Variants in ITGA8 observed in about 807,000 individuals in gnomAD.
ITGA8 encodes integrin subunit alpha 8, also known as integrin alpha-8.
In ITGA8, 91 loss-of-function variants were observed where a neutral mutation model predicts 142.3. The ratio of observed to expected loss-of-function variants is 0.64; its 90% CI spans 0.54 to 0.76. The LOEUF (loss-of-function observed/expected upper bound fraction) is 0.76. ITGA8 is among the 30% of genes least tolerant of loss of function. The pLI is 0.00. For synonymous variants in ITGA8, 505 were observed against 485.2 expected, an observed-to-expected ratio of 1.04 and a Z score of -0.54; for missense variants, 1,406 against 1,327.7, an observed-to-expected ratio of 1.06 and a Z score of -0.92.
intron 2 of ITGA8, among the ~76,000 whole-genome samples, chr10:15,692,240 G>A (rs149690192): frequency 9.2e-5 from 14 of 151,734 alleles, no homozygotes; most frequent in African/African-American, 2.4e-4. Flanking sequence ...GCCTTATACA[G>A]TTTTTGTCAA....
intron 24 of ITGA8, 67 bp downstream of exon 24, chr10:15,575,422 A>G: frequency 1.9e-6 from 2 of 1,069,878 alleles, no homozygotes; most frequent in Admixed American, 1.7e-5. Context: ...ATAATGCTAC[A>G]TAGAATTTAT....
At chr10:15,651,688 T>G (rs1227713119) in intron 11 of ITGA8, among the ~76,000 whole-genome samples, 18 of 152,176 alleles carry the variant, frequency 1.2e-4, no homozygotes, top group Admixed American at 1.2e-3. Context: ...AAGGAGAGTC[T>G]GGTTCAAGCC....
chr10:15,680,216 C>CTTTTTTTTTTTTTTTTTTTT (rs71374638), intron 4 of ITGA8, among the ~76,000 whole-genome samples: 1 of 54,230 alleles, frequency 1.8e-5, no homozygotes, highest in African/African-American at 8.3e-5. Context: ...CCAGATGCTC[C>CTTTTTTTTTTTTTTTTTTTT]TTTTTTTTTT....
At chr10:15,692,090 A>T (rs112788356) in intron 2 of ITGA8, among the ~76,000 whole-genome samples, 23 of 152,090 alleles carry the variant, frequency 1.5e-4, no homozygotes, top group African/African-American at 5.3e-4. Context: ...GGTGCATGCC[A>T]CCATGCAGGG....
intron 21 of ITGA8, among the ~76,000 whole-genome samples, chr10:15,594,975 A>C (rs1391144559): frequency 6.6e-6 from 1 of 152,130 alleles, no homozygotes; most frequent in Non-Finnish European, 1.5e-5. Flanking sequence ...TGTGTCCTTA[A>C]CTAGTACCAA....
At chr10:15,521,722 C>A (rs1349638466) in intron 28 of ITGA8, among the ~76,000 whole-genome samples, 1 of 152,192 alleles carries the variant, frequency 6.6e-6, no homozygotes, top group Non-Finnish European at 1.5e-5. Context: ...GGTGACATTA[C>A]GTACACTCTG....
rs564647839 is a variant in ITGA8 at position 15,573,427 on chromosome 10, T to A, written c.2479-1058A>T. ...ATTATTTGACAGCTTTTTTTTTTTC[T>A]TTTTTCCAGTGAGGTTCTTAATCAG... is the stretch of plus-strand genomic sequence containing the variant. On this transcript the variant is annotated intron_variant, in intron 24 of 29. Coordinates refer to ENST00000378076, the MANE Select transcript of ITGA8 (RefSeq NM_003638.3). 2.2e-3 allele frequency among the ~76,000 whole-genome samples: 332 copies of A among 150,060 alleles called. 2 individuals carry two copies. The highest frequency in any genetic ancestry group is 3.2e-3 in the Non-Finnish European group (216 of 67,102).
At chr10:15,699,001 T>C (rs1038590878) in intron 2 of ITGA8, among the ~76,000 whole-genome samples, 21 of 152,186 alleles carry the variant, frequency 1.4e-4, no homozygotes, top group African/African-American at 4.6e-4. Context: ...AAACATGGCA[T>C]TTGGCTAGGC....
At chr10:15,575,956 TGTGTGTGA>T (rs979714244) in intron 23 of ITGA8, among the ~76,000 whole-genome samples, 5 of 150,746 alleles carry the variant, frequency 3.3e-5, no homozygotes, top group African/African-American at 1.2e-4. Flanking sequence ...TGTGTGTGTG[TGTGTGTGA>T]GTGTGTGTGT....
At chr10:15,706,778 A>G (rs545893079) in intron 2 of ITGA8, among the ~76,000 whole-genome samples, 1 of 152,222 alleles carries the variant, frequency 6.6e-6, no homozygotes, top group South Asian at 2.1e-4. Context: ...AAATTATGTT[A>G]CTTCCTTACT....
intron 20 of ITGA8, among the ~76,000 whole-genome samples, chr10:15,602,391 T>C (rs4747248): frequency 0.75 from 114,191 of 152,066 alleles, 43,083 homozygotes; most frequent in South Asian, 0.88. Flanking sequence ...TTTATTCTTA[T>C]TTATTTTTAT....
intron 20 of ITGA8, among the ~76,000 whole-genome samples, chr10:15,597,684 T>C (rs1376637376): frequency 1.3e-5 from 2 of 152,164 alleles, no homozygotes; most frequent in South Asian, 2.1e-4. Flanking sequence ...AAAATGATCA[T>C]AATGTGTATA....
chr10:15,647,480 G>T (rs1399240884), intron 11 of ITGA8, among the ~76,000 whole-genome samples: 1 of 131,974 alleles, frequency 7.6e-6, no homozygotes, highest in Non-Finnish European at 1.6e-5. Flanking sequence ...TTTTGAGACG[G>T]AGTCTCGCTC....
At position 15,645,677 on chromosome 10, in the gene ITGA8, C is replaced by T. The variant is rs141364448; in HGVS notation, c.1207+1169G>A. ...GAATACTAATCTGATGTGAATACTT[C>T]CAAGGCTACTTTGTTACAGCAAGTT... is the stretch of plus-strand genomic sequence containing the variant. On this transcript the variant is annotated intron_variant, in intron 12 of 29. Transcript: ENST00000378076. Among the ~76,000 whole-genome samples, 18 of 152,228 alleles carry T rather than the reference C, an allele frequency of 1.2e-4. No individual in the cohort carries two copies. In the East Asian group the frequency reaches 3.3e-3, roughly 28 times the overall value.
At chr10:15,527,193 T>A (rs1294540935) in intron 28 of ITGA8, among the ~76,000 whole-genome samples, 1 of 152,206 alleles carries the variant, frequency 6.6e-6, no homozygotes, top group Non-Finnish European at 1.5e-5. Flanking sequence ...AACAGTTTCC[T>A]TATGAGACAA....
chr10:15,517,961 G>T (rs572896230), intron 29 of ITGA8, among the ~76,000 whole-genome samples: 153 of 152,292 alleles, frequency 1.0e-3, no homozygotes, highest in Non-Finnish European at 1.5e-3. Context: ...GCTGCTTTGG[G>T]GTGGATTATA....
At position 15,552,067 on chromosome 10, in the gene ITGA8, C is replaced by T. The variant is rs545410752; in HGVS notation, c.2767-3499G>A. On this transcript the variant is annotated intron_variant, in intron 26 of 29. Transcript: ENST00000378076. ...TCAAAAAAAATTTCGTTATTGATCT[C>T]GACTGTCTCAGTGTACTAATGAGAC... Among the ~76,000 whole-genome samples the T allele has an allele frequency of 9.9e-5, 15 of 152,066 alleles. No individual in the cohort carries two copies. In the South Asian group the frequency reaches 3.1e-3, roughly 32 times the overall value.
At chr10:15,624,224 A>AAC (rs2131626944) in intron 13 of ITGA8, among the ~76,000 whole-genome samples, 1 of 152,294 alleles carries the variant, frequency 6.6e-6, no homozygotes, top group African/African-American at 2.4e-5. Flanking sequence ...ACTTCTTTGA[A>AAC]ACACGGTGTT....
chr10:15,630,840 C>T (rs1833673099), intron 13 of ITGA8, among the ~76,000 whole-genome samples: 1 of 152,020 alleles, frequency 6.6e-6, no homozygotes, highest in African/African-American at 2.4e-5. Flanking sequence ...TAAAAAAAGC[C>T]TGACTTTTTA....
Sources: gnomAD v4.1 joint callset for allele counts (sites outside exome capture counted in the v4.1 genomes callset) on GRCh38, gnomAD v4.1.1 for gene constraint, MANE v1.5 for transcripts, NCBI Gene and HGNC (gene_info 2026-07-23, HGNC 2026-07-21) for gene names.